DICER1: variants seen among roughly 807,000 people sequenced by gnomAD.
DICER1 encodes the protein dicer 1, ribonuclease III.
In DICER1, 43 loss-of-function variants were observed where a neutral mutation model predicts 194.1. The ratio of observed to expected loss-of-function variants is 0.22; its 90% confidence interval spans 0.17 to 0.29. The LOEUF is 0.29. DICER1 is among the 10% of genes least tolerant of loss of function. The pLI, the probability that DICER1 is intolerant of heterozygous loss-of-function variation, is 1.00. For synonymous variants in DICER1, 832 were observed against 820.5 expected, an observed-to-expected ratio of 1.01 and a Z score of -0.24; for missense variants, 1,608 against 2,317.0, an observed-to-expected ratio of 0.69 and a Z score of 6.28.
rs951581708 is a variant in DICER1 at position 95,105,154 on chromosome 14, G to A, written c.3186C>T (p.His1062=). The change falls in exon 20 of 27, where the codon CAC becomes CAT. Residue 1062 remains histidine, a synonymous_variant. Coordinates refer to ENST00000343455, the MANE Select transcript of DICER1 (RefSeq NM_177438.3). The surrounding 1 kb of genome is among the most constrained non-coding windows in gnomAD (Gnocchi z 4.9). Reference sequence around the variant, plus strand: ...TTAGCTCCTCTGCAGTCAAAAGGCAGTGAAGGCGATAAAGTATGCTGGGGA... The same window carrying A: ...TTAGCTCCTCTGCAGTCAAAAGGCAATGAAGGCGATAAAGTATGCTGGGGA... ...VCLPSILYRL[H]CLLTAEELRA... 6.2e-7 allele frequency: 1 copy of A among 1,614,110 alleles called. No individual in the cohort carries two copies. The highest frequency in any genetic ancestry group is 8.5e-7 in the Non-Finnish European group (1 of 1,180,040).
chr14:95,093,265 G>T (rs1017588587), intron 24 of DICER1, among the ~76,000 whole-genome samples: 1 of 152,206 alleles, frequency 6.6e-6, no homozygotes, highest in Non-Finnish European at 1.5e-5. Flanking sequence ...GTATGCAGAT[G>T]AATGTTAAGA....
At chr14:95,129,857 A>T (rs1024957722) in intron 5 of DICER1, among the ~76,000 whole-genome samples, 1 of 152,216 alleles carries the variant, frequency 6.6e-6, no homozygotes, top group Non-Finnish European at 1.5e-5. Context: ...TACACTATGA[A>T]AATTATATAG....
In DICER1 at chr14:95,091,095, T is replaced by C. The variant is rs748931250; in HGVS notation, c.5542A>G (p.Asn1848Asp). 3 of 1,614,024 alleles carry C rather than the reference T, an allele frequency of 1.9e-6. No individual in the cohort carries two copies. Among genetic ancestry groups the C allele is most frequent in the African/African-American group, 2.7e-5 (2 of 74,926 alleles). The change falls in exon 26 of 27, where the codon AAT becomes GAT. Residue 1848 changes from asparagine to aspartate, a missense_variant. Physicochemically the swap from Asn to Asp is conservative, Grantham distance 23. Coordinates refer to ENST00000343455, the MANE Select transcript of DICER1 (RefSeq NM_177438.3). ...TCTCGCACAGGGGAACGGGGTACAT[T>C]TGCAGAAAACTTTTCTGCAATCAAA... Reference protein sequence around the residue: ...MRPLIEKFSANVPRSPVRELL... With the variant: ...MRPLIEKFSADVPRSPVRELL...
intron 7 of DICER1, among the ~76,000 whole-genome samples, chr14:95,125,072 A>G (rs1893290385): frequency 6.6e-6 from 1 of 152,188 alleles, no homozygotes; most frequent in Non-Finnish European, 1.5e-5. Context: ...TATGTACAAT[A>G]TTCTCCAGCA....
intron 1 of DICER1, 117 bp downstream of exon 1, chr14:95,157,113 G>C (rs1383793230): frequency 6.7e-6 from 1 of 150,370 alleles, no homozygotes; most frequent in East Asian, 1.9e-4. Flanking sequence ...CGCCAGGCCC[G>C]GACGCGCGGC....
In DICER1 at chr14:95,105,080, G is replaced by A. The variant is rs180918578; in HGVS notation, c.3260C>T (p.Ala1087Val). The change falls in exon 20 of 27, where the codon GCG becomes GTG. Residue 1087 changes from alanine (A) to valine (V), a missense_variant. Physicochemically the swap from Ala to Val is moderately conservative, Grantham distance 64. Transcript: ENST00000343455. This position sits in a 1 kb window ranked among gnomAD's most constrained non-coding sequence, Gnocchi z 4.9. ...GACTGCACAGGCATACCTAAAATCC[G>A]CAGGAAGTGATCTGACTCCCACGCC... Reference protein sequence around the residue: ...DAGVGVRSLPADFRYPNLDFG... With the variant: ...DAGVGVRSLPVDFRYPNLDFG... The A allele has an allele frequency of 4.0e-5, 65 of 1,613,970 alleles. 1 individual carries two copies. In the Middle Eastern group the frequency reaches 6.7e-4, roughly 17 times the overall value.
At chr14:95,106,638 ATAAC>A (rs1016957428) in intron 17 of DICER1, among the ~76,000 whole-genome samples, 19 of 152,216 alleles carry the variant, frequency 1.2e-4, no homozygotes, top group African/African-American at 4.6e-4. Flanking sequence ...GATGGTCCTG[ATAAC>A]TAACATTTAA....
At chr14:95,098,199 C>G (rs994459026) in intron 22 of DICER1, among the ~76,000 whole-genome samples, 2 of 152,134 alleles carry the variant, frequency 1.3e-5, no homozygotes, top group African/African-American at 2.4e-5. Context: ...GAGTGGGGTT[C>G]TGTCTCATAA....
At chr14:95,146,153 C>T (rs1895119735) in intron 1 of DICER1, among the ~76,000 whole-genome samples, 1 of 152,194 alleles carries the variant, frequency 6.6e-6, no homozygotes, top group Admixed American at 6.5e-5. Flanking sequence ...ACCCCACCTT[C>T]AAATCAAAGA....
intron 1 of DICER1, among the ~76,000 whole-genome samples, chr14:95,155,371 T>C (rs1483874808): frequency 7.9e-5 from 12 of 152,304 alleles, no homozygotes; most frequent in East Asian, 5.8e-4. Flanking sequence ...ACATGTCAGA[T>C]AGTGGTAGAG....
At position 95,087,568 on chromosome 14, in the gene DICER1, T is replaced by C. The variant is rs1187076393; in HGVS notation, c.*2930A>G. The C allele has an allele frequency of 4.3e-6, 1 of 233,078 alleles. No individual in the cohort carries two copies. Among genetic ancestry groups the C allele is most frequent in the Admixed American group, 5.6e-5 (1 of 17,782 alleles). The allele number at this position is 233,078 out of a possible 1,614,324, so 14.4% of individuals were successfully genotyped here. A position where few individuals can be genotyped will look rare whatever the true frequency, so the allele number is the denominator to read the frequency against. ...TTTCCTCTCTGTTAAGCATATTTTC[T>C]TGAAATGAGGTAAAGCATGGTACCA... On this transcript the variant is annotated 3_prime_UTR_variant, in exon 27 of 27. Coordinates refer to ENST00000343455, the MANE Select transcript of DICER1 (RefSeq NM_177438.3).
rs1462448145 is a variant in DICER1, at chr14:95,113,227, G to T, written c.1908-3C>A. Reference sequence around the variant, plus strand: ...CACTTGGTAATCTAGCACAGTATCTGTGAAGAAAAAGAAATTCTGAGGCTG... The same window carrying T: ...CACTTGGTAATCTAGCACAGTATCTTTGAAGAAAAAGAAATTCTGAGGCTG... On this transcript the variant is annotated splice_polypyrimidine_tract_variant and splice_region_variant and intron_variant, in intron 11 of 26. Coordinates refer to ENST00000343455, the MANE Select transcript of DICER1 (RefSeq NM_177438.3). 6.2e-7 allele frequency: 1 copy of T among 1,613,532 alleles called. No individual in the cohort carries two copies. The highest frequency in any genetic ancestry group is 1.3e-5 in the African/African-American group (1 of 75,030).
At chr14:95,152,727 C>G (rs1192444061) in intron 1 of DICER1, among the ~76,000 whole-genome samples, 1 of 152,212 alleles carries the variant, frequency 6.6e-6, no homozygotes, top group African/African-American at 2.4e-5. Context: ...GGAGTACCAA[C>G]AATTCATTGA....
At chr14:95,099,731 TACACACACACACACACAC>T (rs71838494) in intron 22 of DICER1, 31 bp downstream of exon 22, 41 of 1,073,308 alleles carry the variant, frequency 3.8e-5, no homozygotes, top group East Asian at 1.1e-4. Flanking sequence ...TCCCTCCAGT[TACACACACACACACACAC>T]ACACACACAC....
At chr14:95,150,798 T>C (rs1452911037) in intron 1 of DICER1, among the ~76,000 whole-genome samples, 1 of 152,250 alleles carries the variant, frequency 6.6e-6, no homozygotes, top group African/African-American at 2.4e-5. Flanking sequence ...TCACCAGTAT[T>C]AGGACAAACT....
At position 95,116,679 on chromosome 14, in the gene DICER1, C is replaced by T. The variant is rs2140126745; in HGVS notation, c.1526G>A (p.Arg509Gln). 3 of 1,612,830 alleles carry T rather than the reference C, an allele frequency of 1.9e-6. No individual in the cohort carries two copies. The highest frequency in any genetic ancestry group is 2.5e-6 in the Non-Finnish European group (3 of 1,179,708). Residue 509 changes from arginine to glutamine, a missense_variant, in exon 10 of 27, where the codon CGA becomes CAA. This residue lies in a region of DICER1 where 657 missense variants were observed against 910.1 expected (regional missense o/e 0.72). Coordinates refer to ENST00000343455, the MANE Select transcript of DICER1 (RefSeq NM_177438.3). ...RKQEEVLRKFRAHETNLLIAT... is the reference protein window; with the variant it reads ...RKQEEVLRKFQAHETNLLIAT... Reference sequence around the variant, plus strand: ...AATAAGCAGGTTGGTCTCATGTGCTCGAAATTTCCTAAGTACCTGAAAAAA... The same window carrying T: ...AATAAGCAGGTTGGTCTCATGTGCTTGAAATTTCCTAAGTACCTGAAAAAA...
rs1889584305 is a variant in DICER1 at position 95,089,237 on chromosome 14, G to A, written c.*1261C>T. 4.4e-6 allele frequency: 1 copy of A among 228,568 alleles called. No individual in the cohort carries two copies. The highest frequency in any genetic ancestry group is 8.7e-6 in the Non-Finnish European group (1 of 115,576). The allele number at this position is 228,568 out of a possible 1,614,324, so 14.2% of individuals were successfully genotyped here. ...TTCCTTTTCCAAAGATGGAAATAAT[G>A]AGCTAGTTTATCTAAATTAATGACC... On this transcript the variant is annotated 3_prime_UTR_variant, in exon 27 of 27. Transcript: ENST00000343455.
chr14:95,130,746 GTACA>G (rs1280715931), intron 4 of DICER1, among the ~76,000 whole-genome samples: 2 of 152,164 alleles, frequency 1.3e-5, no homozygotes, highest in African/African-American at 4.8e-5. Flanking sequence ...AAAAGCCCCA[GTACA>G]TGCTGGCTAC....
chr14:95,147,937 G>A (rs961116395), intron 1 of DICER1, among the ~76,000 whole-genome samples: 1 of 152,204 alleles, frequency 6.6e-6, no homozygotes, highest in Non-Finnish European at 1.5e-5. Flanking sequence ...AGTGGCACAC[G>A]CCTGTAATCC....
Sources: gnomAD v4.1 joint callset for allele counts (sites outside exome capture counted in the v4.1 genomes callset) on GRCh38, gnomAD v4.1.1 for gene constraint, gnomAD v4.1.1 regional missense constraint, Gnocchi (gnomAD v3.1) non-coding constraint, MANE v1.5 for transcripts, NCBI Gene and HGNC (gene_info 2026-07-23, HGNC 2026-07-21) for gene names.